The following HYCC1 variants were observed in gnomAD, a reference collection of about 807,000 sequenced individuals.
The protein encoded by HYCC1 is hyccin PI4KA lipid kinase complex subunit 1, also known as hyccin.
At chr7:23,009,262 A>G in the HYCC1 span, among the ~76,000 whole-genome samples, 1 of 152,112 alleles carries the variant, frequency 6.6e-6, no homozygotes, top group Non-Finnish European at 1.5e-5. Flanking sequence ...CAAATTTCCT[A>G]CAATGATTAT....
the HYCC1 span, among the ~76,000 whole-genome samples, chr7:23,004,838 C>T: frequency 6.6e-6 from 1 of 152,180 alleles, no homozygotes; most frequent in African/African-American, 2.4e-5. Flanking sequence ...GGGAGTCTCA[C>T]TGTGTCGCTC....
the HYCC1 span, among the ~76,000 whole-genome samples, chr7:22,929,720 T>C: frequency 6.6e-6 from 1 of 152,056 alleles, no homozygotes; most frequent in South Asian, 2.1e-4. Context: ...TGTGGAGAAA[T>C]AGGAACACTT....
At chr7:22,930,101 C>G in the HYCC1 span, among the ~76,000 whole-genome samples, 2 of 146,260 alleles carry the variant, frequency 1.4e-5, no homozygotes, top group Non-Finnish European at 3.0e-5. Context: ...GACAAAAAAC[C>G]AAACACTGCA....
the HYCC1 span, among the ~76,000 whole-genome samples, chr7:22,989,031 G>C: frequency 1.3e-5 from 2 of 152,068 alleles, no homozygotes; most frequent in Non-Finnish European, 2.9e-5. Flanking sequence ...GATCAGTCAT[G>C]GTTTTCCATT....
the HYCC1 span, among the ~76,000 whole-genome samples, chr7:22,919,399 C>T: frequency 0.014 from 2,203 of 152,084 alleles, 61 homozygotes; most frequent in African/African-American, 0.051. Context: ...TGTGGTGGCA[C>T]GTGCCTGTAA....
chr7:22,962,922 A>G, the HYCC1 span, among the ~76,000 whole-genome samples: 281 of 152,238 alleles, frequency 1.8e-3, 2 homozygotes, highest in Non-Finnish European at 3.4e-3. Flanking sequence ...AAGCAGGAGT[A>G]TTAAGAAAAA....
the HYCC1 span, among the ~76,000 whole-genome samples, chr7:22,925,912 A>C: frequency 6.6e-6 from 1 of 152,190 alleles, no homozygotes; most frequent in Non-Finnish European, 1.5e-5. Context: ...GAAGGAAAAA[A>C]TGTTAAGGGC....
chr7:23,002,461 C>T, the HYCC1 span, among the ~76,000 whole-genome samples: 1 of 152,036 alleles, frequency 6.6e-6, no homozygotes, highest in South Asian at 2.1e-4. Context: ...TCTTGAACAC[C>T]TAGGAACACA....
the HYCC1 span, among the ~76,000 whole-genome samples, chr7:22,913,356 G>T: frequency 4.6e-5 from 7 of 152,282 alleles, no homozygotes; most frequent in South Asian, 1.4e-3. Flanking sequence ...AGAGAAACTA[G>T]GGGAAAAGAT....
the HYCC1 span, among the ~76,000 whole-genome samples, chr7:23,000,178 T>C: frequency 6.6e-6 from 1 of 152,184 alleles, no homozygotes; most frequent in Admixed American, 6.5e-5. Flanking sequence ...TCACTGCTGC[T>C]ATCCCACTCT....
At chr7:22,982,689 A>C in the HYCC1 span, among the ~76,000 whole-genome samples, 1 of 152,112 alleles carries the variant, frequency 6.6e-6, no homozygotes, top group Non-Finnish European at 1.5e-5. Context: ...CTCCTAGGCT[A>C]TTGTCATAGC....
chr7:22,947,152 C>T, the HYCC1 span: 3 of 1,550,410 alleles, frequency 1.9e-6, no homozygotes, highest in South Asian at 3.6e-5. Context: ...CCTTTTTCCC[C>T]ATTCCCGGTT....
At chr7:22,953,547 T>C in the HYCC1 span, among the ~76,000 whole-genome samples, 1 of 151,892 alleles carries the variant, frequency 6.6e-6, no homozygotes, top group African/African-American at 2.4e-5. Flanking sequence ...CCTCAAAAAT[T>C]GTCTAAGTCA....
chr7:22,897,489 G>A, the HYCC1 span, among the ~76,000 whole-genome samples: 2 of 152,180 alleles, frequency 1.3e-5, no homozygotes, highest in Non-Finnish European at 2.9e-5. Context: ...AAGGGATGAT[G>A]GTAGTTCACT....
chr7:22,987,473 A>G, the HYCC1 span, among the ~76,000 whole-genome samples: 53,088 of 152,034 alleles, frequency 0.35, 9,340 homozygotes, highest in East Asian at 0.47. Context: ...ACTTGAACCC[A>G]GGAGGTGGAG....
At chr7:22,983,240 G>C in the HYCC1 span, among the ~76,000 whole-genome samples, 1 of 150,740 alleles carries the variant, frequency 6.6e-6, no homozygotes, top group Non-Finnish European at 1.5e-5. Flanking sequence ...GAGGTGGGAG[G>C]ATCGCTTGAA....
At chr7:22,915,632 A>G in the HYCC1 span, among the ~76,000 whole-genome samples, 1 of 152,154 alleles carries the variant, frequency 6.6e-6, no homozygotes, top group African/African-American at 2.4e-5. Flanking sequence ...ACCATCACAG[A>G]TGCTTTGGGT....
At chr7:23,013,203 G>A in the HYCC1 span, among the ~76,000 whole-genome samples, 1 of 152,178 alleles carries the variant, frequency 6.6e-6, no homozygotes, top group Non-Finnish European at 1.5e-5. Context: ...AAACCCCCGA[G>A]GATTCCCGAG....
At chr7:22,969,052 A>T in the HYCC1 span, among the ~76,000 whole-genome samples, 1 of 152,126 alleles carries the variant, frequency 6.6e-6, no homozygotes, top group Non-Finnish European at 1.5e-5. Context: ...TTCTTACCAC[A>T]TGGAAGAAGC....
Sources: allele counts gnomAD v4.1 joint callset (sites outside exome capture counted in the v4.1 genomes callset), GRCh38; gene constraint gnomAD v4.1.1; transcripts MANE v1.5; gene names NCBI Gene and HGNC (gene_info 2026-07-23, HGNC 2026-07-21).